DYNLT2B: variants seen among roughly 807,000 people sequenced by gnomAD.
The protein encoded by DYNLT2B is dynein light chain Tctex-type 2B.
Under a neutral mutation model 19.5 loss-of-function variants are expected in DYNLT2B, and 14 were observed. The observed-to-expected ratio is 0.72, with a 90% CI of 0.47 to 1.12. The LOEUF is 1.12. Among genes scored for constraint, DYNLT2B ranks in the 50% most tolerant of loss-of-function variants. The probability of loss-of-function intolerance (pLI) is 0.00; values close to 1 mark genes in which losing one functional copy is unlikely to be tolerated. For missense variants in DYNLT2B, 133 were observed against 174.7 expected, an observed-to-expected ratio of 0.76 and a Z score of 1.35; for synonymous variants, 70 against 59.7, an observed-to-expected ratio of 1.17 and a Z score of -0.79.
At chr3:196,316,362 A>G in intron 1 of DYNLT2B, 131 bp from the exon 2 acceptor site, 1 of 983,304 alleles carries the variant, frequency 1.0e-6, no homozygotes, top group Non-Finnish European at 1.4e-6. Flanking sequence ...TTATTATAAA[A>G]TATAAACAAA....
intron 2 of DYNLT2B, among the ~76,000 whole-genome samples, chr3:196,309,537 T>A (rs2108795682): frequency 1.3e-5 from 2 of 152,072 alleles, no homozygotes; most frequent in South Asian, 4.2e-4. Flanking sequence ...AGTGCTGGGA[T>A]TACGGACGTG....
At chr3:196,297,059 G>T (rs530664891) in intron 3 of DYNLT2B, among the ~76,000 whole-genome samples, 1 of 151,594 alleles carries the variant, frequency 6.6e-6, no homozygotes, top group Non-Finnish European at 1.5e-5. Flanking sequence ...CAGGCGTGGC[G>T]GCAGGCACCA....
chr3:196,318,122 C>T lies in DYNLT2B; in HGVS notation c.31G>A (p.Val11Met), dbSNP rs1191627137. Reference sequence around the variant, plus strand: ...TCAGCCTCAGGCACCCCGTCGCCCACCGAGAAGGACACTCCGATGGACGTG... The same window carrying T: ...TCAGCCTCAGGCACCCCGTCGCCCATCGAGAAGGACACTCCGATGGACGTG... MATSIGVSFS[V>M]GDGVPEAEKN... Residue 11 changes from valine (V) to methionine (M), a missense_variant, in exon 1 of 5, where the codon GTG (valine) becomes ATG (methionine). By Grantham distance (21) the Val-to-Met change is conservative. Coordinates refer to ENST00000325318, the MANE Select transcript of DYNLT2B (RefSeq NM_152773.5). 1 of 1,555,574 alleles carries T rather than the reference C, an allele frequency of 6.4e-7. No homozygotes were observed. Among genetic ancestry groups the T allele is most frequent in the Non-Finnish European group, 8.6e-7 (1 of 1,157,780 alleles).
At chr3:196,294,283 G>A (rs1019879747) in intron 4 of DYNLT2B, among the ~76,000 whole-genome samples, 7 of 152,184 alleles carry the variant, frequency 4.6e-5, no homozygotes, top group African/African-American at 1.7e-4. Context: ...GGAGGTGGAG[G>A]TTGTGGTGAG....
At position 196,311,743 on chromosome 3, in the gene DYNLT2B, G is replaced by A. The variant is rs566567246; in HGVS notation, c.247+4355C>T. ...CTGTTGCCCAGGCTGGAGTGCACTG[G>A]CACGATCCCAGCTCACTGCAACCTC... On this transcript the variant is annotated intron_variant, in intron 2 of 4. Transcript: ENST00000325318. Among the ~76,000 whole-genome samples, 188 of 151,964 alleles carry A rather than the reference G, an allele frequency of 1.2e-3. 3 individuals are homozygous for A. Among genetic ancestry groups the A allele is most frequent in the African/African-American group, 3.9e-3 (162 of 41,408 alleles).
chr3:196,293,693 G>A (rs1265019437), intron 4 of DYNLT2B, among the ~76,000 whole-genome samples: 16 of 142,558 alleles, frequency 1.1e-4, no homozygotes, highest in Non-Finnish European at 2.3e-4. Flanking sequence ...TCTCCAGGCT[G>A]GAGTACAGTG....
At position 196,318,171 on chromosome 3, in the gene DYNLT2B, G is replaced by C. The variant is rs550944554; in HGVS notation, c.-19C>G. ...TGGCCATGCCGGGGCTTCTCGGTCC[G>C]GGCGTAGCTCGCGATGAAGGCCTAG... On this transcript the variant is annotated 5_prime_UTR_variant, in exon 1 of 5. Coordinates refer to ENST00000325318, the MANE Select transcript of DYNLT2B (RefSeq NM_152773.5). The C allele has an allele frequency of 3.5e-6, 5 of 1,441,780 alleles. No individual in the cohort carries two copies. Among genetic ancestry groups the C allele is most frequent in the South Asian group, 1.3e-5 (1 of 77,790 alleles). 89.3% of individuals were successfully genotyped at this position (1,441,780 alleles called of 1,614,324 possible).
At chr3:196,304,012 G>A (rs1012148246) in intron 3 of DYNLT2B, among the ~76,000 whole-genome samples, 9 of 152,188 alleles carry the variant, frequency 5.9e-5, no homozygotes, top group African/African-American at 2.2e-4. Flanking sequence ...GACAGAGCAA[G>A]AACTGTCTCA....
chr3:196,316,808 G>A (rs1392787510), intron 1 of DYNLT2B, among the ~76,000 whole-genome samples: 1 of 150,346 alleles, frequency 6.7e-6, no homozygotes, highest in African/African-American at 2.4e-5. Context: ...AATATGGGGT[G>A]TGTGTGTGTG....
At chr3:196,315,496 C>T (rs1164163450) in intron 2 of DYNLT2B, among the ~76,000 whole-genome samples, 1 of 151,454 alleles carries the variant, frequency 6.6e-6, no homozygotes, top group East Asian at 2.0e-4. Context: ...CTCCTGACCT[C>T]GTGATCCACC....
At chr3:196,304,627 C>G (rs1041867814) in intron 3 of DYNLT2B, among the ~76,000 whole-genome samples, 5 of 151,268 alleles carry the variant, frequency 3.3e-5, no homozygotes, top group African/African-American at 1.2e-4. Context: ...GGAGGCAGAG[C>G]TTGCAGTGAG....
chr3:196,293,667 A>G (rs1275990044), intron 4 of DYNLT2B, among the ~76,000 whole-genome samples: 6 of 106,014 alleles, frequency 5.7e-5, no homozygotes, highest in African/African-American at 1.8e-4. Context: ...TTTTTTTGAG[A>G]CAGAGTCTCG....
intron 3 of DYNLT2B, among the ~76,000 whole-genome samples, chr3:196,301,880 G>A (rs1652458168): frequency 6.6e-6 from 1 of 151,916 alleles, no homozygotes; most frequent in African/African-American, 2.4e-5. Flanking sequence ...AAGAACTCAG[G>A]TTATGGGTTT....
chr3:196,299,668 G>A (rs371673008), intron 3 of DYNLT2B, among the ~76,000 whole-genome samples: 1 of 150,626 alleles, frequency 6.6e-6, no homozygotes, highest in East Asian at 2.0e-4. Flanking sequence ...ACAGTGGCTC[G>A]CGCCTGTAAT....
chr3:196,294,126 C>A (rs1029631280), intron 4 of DYNLT2B, among the ~76,000 whole-genome samples: 8 of 152,052 alleles, frequency 5.3e-5, no homozygotes, highest in African/African-American at 1.9e-4. Context: ...CCGAGGCGGG[C>A]CGATCACCTG....
intron 2 of DYNLT2B, among the ~76,000 whole-genome samples, chr3:196,307,246 T>C (rs1726512170): frequency 6.6e-6 from 1 of 152,194 alleles, no homozygotes; most frequent in Admixed American, 6.5e-5. Flanking sequence ...TAAACAGGAA[T>C]ATCAGTACCT....
intron 2 of DYNLT2B, among the ~76,000 whole-genome samples, chr3:196,310,149 T>C (rs1726598368): frequency 6.6e-6 from 1 of 151,860 alleles, no homozygotes; most frequent in South Asian, 2.1e-4. Context: ...CTGCCCAGGG[T>C]GGAGTGCAAT....
At chr3:196,299,339 C>T (rs530418488) in intron 3 of DYNLT2B, among the ~76,000 whole-genome samples, 145 of 152,160 alleles carry the variant, frequency 9.5e-4, no homozygotes, top group Non-Finnish European at 1.9e-3. Context: ...CCGGCCTCGG[C>T]CTCCCAAAGT....
chr3:196,298,172 T>C, intron 3 of DYNLT2B: 1 of 367,698 alleles, frequency 2.7e-6, no homozygotes, highest in Non-Finnish European at 5.5e-6. Flanking sequence ...CTTTTGTTTC[T>C]TGGCCAGGAA....
Sources: gnomAD v4.1 joint callset for allele counts (sites outside exome capture counted in the v4.1 genomes callset) on GRCh38, gnomAD v4.1.1 for gene constraint, MANE v1.5 for transcripts, NCBI Gene and HGNC (gene_info 2026-07-23, HGNC 2026-07-21) for gene names.